PPFIBP1: variants seen among roughly 807,000 people sequenced by gnomAD.
PPFIBP1 encodes the protein PPFIB scaffold protein 1.
In PPFIBP1, 112 loss-of-function variants were observed where a neutral mutation model predicts 137.8. The ratio of observed to expected loss-of-function variants is 0.81; its 90% CI spans 0.70 to 0.95. PPFIBP1 has a LOEUF of 0.95. PPFIBP1 is among the 40% of genes least tolerant of loss of function. The probability of loss-of-function intolerance (pLI) is 0.00; values close to 1 mark genes in which losing one functional copy is unlikely to be tolerated. For synonymous variants in PPFIBP1, 378 were observed against 417.3 expected (o/e 0.91, Z 1.15); for missense variants, 1,083 against 1,196.6 (o/e 0.91, Z 1.40).
chr12:27,659,017 A>G lies in PPFIBP1; in HGVS notation c.844+169A>G, dbSNP rs368219215. Among the ~76,000 whole-genome samples, 41 of 152,350 alleles carry G rather than the reference A, an allele frequency of 2.7e-4. No homozygotes were observed. In the East Asian group the frequency reaches 6.0e-3, roughly 22 times the overall value. On this transcript the variant is annotated intron_variant, in intron 10 of 29. Coordinates refer to ENST00000228425, the MANE Select transcript of PPFIBP1 (RefSeq NM_003622.4). The stretch of plus-strand genomic sequence containing the variant: ...CACAATAGAGGGTGGATAATAAAAC[A>G]ATAAGGTAAAAGATTATTTTGAAGA...
intron 1 of PPFIBP1, among the ~76,000 whole-genome samples, chr12:27,577,403 T>C (rs1435051640): frequency 6.6e-6 from 1 of 152,208 alleles, no homozygotes; most frequent in Non-Finnish European, 1.5e-5. Flanking sequence ...GCCCTGACTC[T>C]TTATGCATTT....
chr12:27,680,861 C>T (rs1430425541), intron 21 of PPFIBP1, among the ~76,000 whole-genome samples: 3 of 152,056 alleles, frequency 2.0e-5, no homozygotes, highest in African/African-American at 7.2e-5. Flanking sequence ...TACATATAGC[C>T]CCTCCCATAC....
At chr12:27,526,792 G>C (rs566252699) in intron 1 of PPFIBP1, among the ~76,000 whole-genome samples, 7 of 152,080 alleles carry the variant, frequency 4.6e-5, no homozygotes, top group Non-Finnish European at 7.4e-5. Context: ...CTGAGATCTC[G>C]TTATTGCACT....
In PPFIBP1 at chr12:27,650,023, G is replaced by A. The variant is rs776568061; in HGVS notation, c.485G>A (p.Arg162Lys). ...EEMLQQELLS[R>K]TSLETQKLDL... ...AAATTATAATAGGAGCTTCTAAGTA[G>A]GACATCCTTAGAAACTCAGAAGTTG... Residue 162 changes from arginine (R) to lysine (K), a missense_variant, in exon 7 of 30, where the codon AGG (arginine) becomes AAG (lysine). Coordinates refer to ENST00000228425, the MANE Select transcript of PPFIBP1 (RefSeq NM_003622.4). 6.2e-7 allele frequency: 1 copy of A among 1,602,694 alleles called. No homozygotes were observed. Among genetic ancestry groups the A allele is most frequent in the Admixed American group, 1.7e-5 (1 of 59,860 alleles).
chr12:27,579,357 G>A (rs1370016264), intron 2 of PPFIBP1, among the ~76,000 whole-genome samples: 1 of 152,224 alleles, frequency 6.6e-6, no homozygotes, highest in African/African-American at 2.4e-5. Context: ...TGGATAGCTT[G>A]AGGGAATAAA....
chr12:27,558,341 G>A (rs1209160286), intron 1 of PPFIBP1, among the ~76,000 whole-genome samples: 2 of 151,394 alleles, frequency 1.3e-5, no homozygotes, highest in Non-Finnish European at 2.9e-5. Flanking sequence ...AATGAACAGG[G>A]CTACTTCCAG....
Position 27,537,139 on chromosome 12 carries a change from C to CT in PPFIBP1, c.-124+12784dup, listed in dbSNP as rs922087341. ...CCTGCAGGTAGTCCCTTCTCTCTCT[C>CT]TTTTTTTTTTGAGACGGAGTCTCTC... On this transcript the variant is annotated intron_variant, in intron 1 of 29. Coordinates refer to ENST00000228425, the MANE Select transcript of PPFIBP1 (RefSeq NM_003622.4). 6.8e-3 allele frequency among the ~76,000 whole-genome samples: 1,018 copies of CT among 149,578 alleles called. 11 individuals carry two copies. Among genetic ancestry groups the CT allele is most frequent in the African/African-American group, 0.023 (953 of 40,816 alleles).
At chr12:27,635,179 A>G in intron 4 of PPFIBP1, 64 bp downstream of exon 4, 1 of 1,509,458 alleles carries the variant, frequency 6.6e-7, no homozygotes, top group South Asian at 1.1e-5. Flanking sequence ...AATTTAGAAC[A>G]TAGAATAGCT....
intron 7 of PPFIBP1, among the ~76,000 whole-genome samples, chr12:27,653,795 T>G (rs981555839): frequency 6.6e-6 from 1 of 152,122 alleles, no homozygotes; most frequent in African/African-American, 2.4e-5. Flanking sequence ...AATTGGTCCT[T>G]TAAAAAGTAG....
Position 27,676,904 on chromosome 12 carries a change from G to A in PPFIBP1, c.1583-160G>A, listed in dbSNP as rs368509256. ...TGATAGTGGATAAATTAACATTGAC[G>A]TTGAGCCTGTGTGTAACATCAGAAG... On this transcript the variant is annotated intron_variant, in intron 18 of 29. Coordinates refer to ENST00000228425, the MANE Select transcript of PPFIBP1 (RefSeq NM_003622.4). 15 of 884,916 alleles carry A rather than the reference G, an allele frequency of 1.7e-5. 1 individual carries two copies. Among genetic ancestry groups the A allele is most frequent in the African/African-American group, 6.6e-5 (4 of 60,786 alleles). 54.8% of individuals were successfully genotyped at this position (884,916 alleles called of 1,614,324 possible).
chr12:27,652,245 T>C (rs982175228), intron 7 of PPFIBP1, among the ~76,000 whole-genome samples: 4 of 152,328 alleles, frequency 2.6e-5, no homozygotes, highest in African/African-American at 9.6e-5. Flanking sequence ...GGGGAAGAAG[T>C]ATAGGCATTT....
intron 15 of PPFIBP1, among the ~76,000 whole-genome samples, chr12:27,672,718 G>A (rs979520794): frequency 1.3e-5 from 2 of 152,098 alleles, no homozygotes; most frequent in Admixed American, 6.6e-5. Flanking sequence ...CTCATGCCGG[G>A]GTTTTGCAGG....
chr12:27,650,197 CT>C, intron 7 of PPFIBP1, 56 bp downstream of exon 7: 1 of 1,455,946 alleles, frequency 6.9e-7, no homozygotes, highest in South Asian at 1.4e-5. Context: ...CTGTCTTTGT[CT>C]CTGACACACA....
intron 7 of PPFIBP1, 115 bp from the exon 8 acceptor site, chr12:27,654,607 A>T (rs2059083839): frequency 6.8e-6 from 9 of 1,315,578 alleles, no homozygotes; most frequent in Non-Finnish European, 9.0e-6. Context: ...TCTGATTCAT[A>T]CAACTTTAAC....
chr12:27,679,497 GA>G lies in PPFIBP1; in HGVS notation c.1629del (p.Glu544ArgfsTer6). The G allele has an allele frequency of 6.2e-7, 1 of 1,611,040 alleles. No individual in the cohort carries two copies. The highest frequency in any genetic ancestry group is 8.5e-7 in the Non-Finnish European group (1 of 1,179,264). ...SASAPTLAET[E>X]KETAEHLDLA... is the part of the protein sequence containing the mutation. The stretch of plus-strand genomic sequence containing the variant: ...TTCTGCTCTTGGAGTAGCTGAAACA[GA>G]AAAAGAGACAGCAGAGCACCTAGAT... On this transcript the variant is annotated frameshift_variant, in exon 20 of 30. Transcript: ENST00000228425. LOFTEE classifies it high-confidence loss of function.
At chr12:27,684,826 C>T (rs2061100903) in intron 24 of PPFIBP1, among the ~76,000 whole-genome samples, 1 of 151,770 alleles carries the variant, frequency 6.6e-6, no homozygotes, top group African/African-American at 2.4e-5. Context: ...GAGGAGTTGC[C>T]AAAGCTAGAA....
chr12:27,604,850 G>A (rs1592790512), intron 2 of PPFIBP1, among the ~76,000 whole-genome samples: 1 of 152,306 alleles, frequency 6.6e-6, no homozygotes, highest in Middle Eastern at 3.4e-3. Context: ...ATGTGGCTGG[G>A]GAGGCCTCAC....
chr12:27,611,440 T>C (rs1476997861), intron 2 of PPFIBP1, among the ~76,000 whole-genome samples: 1 of 152,208 alleles, frequency 6.6e-6, no homozygotes. Flanking sequence ...CCAGTCATAC[T>C]GGAATTAGGG....
intron 2 of PPFIBP1, among the ~76,000 whole-genome samples, chr12:27,596,837 G>A (rs2053369708): frequency 6.6e-6 from 1 of 152,224 alleles, no homozygotes; most frequent in Non-Finnish European, 1.5e-5. Context: ...ATGAATGGTT[G>A]TATAACTCTC....
Sources: gnomAD v4.1 joint callset for allele counts (sites outside exome capture counted in the v4.1 genomes callset) on GRCh38, gnomAD v4.1.1 for gene constraint, MANE v1.5 for transcripts, NCBI Gene and HGNC (gene_info 2026-07-23, HGNC 2026-07-21) for gene names.